The following NCOA4 variants were observed in gnomAD, a reference collection of about 807,000 sequenced individuals.
NCOA4 encodes the protein 70 kDa AR-activator.
Under a neutral mutation model 69.5 loss-of-function variants are expected in NCOA4, and 31 were observed. That is an observed-to-expected ratio of 0.45 (90% confidence interval 0.34 to 0.60). The LOEUF is 0.60. Ranked by LOEUF, NCOA4 falls within the 20% of genes least tolerant of loss-of-function variation. The pLI is 0.02. For missense variants in NCOA4, 600 were observed against 719.2 expected (o/e 0.83, Z 1.90); for synonymous variants, 228 against 252.4 (o/e 0.90, Z 0.92).
intron 1 of NCOA4, among the ~76,000 whole-genome samples, chr10:46,017,498 T>C (rs371675042): frequency 1.3e-5 from 2 of 152,112 alleles, no homozygotes; most frequent in Non-Finnish European, 2.9e-5. Context: ...TGAGCCGTGA[T>C]TGCACCTGCA....
intron 2 of NCOA4, among the ~76,000 whole-genome samples, chr10:46,015,539 G>A (rs921731874): frequency 3.3e-5 from 5 of 152,068 alleles, no homozygotes; most frequent in Admixed American, 2.0e-4. Context: ...AGCCATAAAG[G>A]CATACCTAAA....
intron 1 of NCOA4, among the ~76,000 whole-genome samples, chr10:46,017,344 C>T (rs1034720515): frequency 2.0e-5 from 3 of 151,996 alleles, no homozygotes; most frequent in East Asian, 1.9e-4. Context: ...TCCAGGAGTT[C>T]GGGACCAGCC....
chr10:46,025,456 A>C (rs1190266327), intron 1 of NCOA4, among the ~76,000 whole-genome samples: 2 of 151,514 alleles, frequency 1.3e-5, no homozygotes, highest in Non-Finnish European at 2.9e-5. Context: ...TAATCCAGTC[A>C]AGTTGACACC....
At position 46,006,491 on chromosome 10, in the gene NCOA4, A is replaced by T. The variant is rs1838815723; in HGVS notation, c.*101T>A. The stretch of plus-strand genomic sequence containing the variant: ...ATTAGGCAGGAGAAGAACTAAGCTA[A>T]TTGGTCAGACCCAGAAACACAAAGA... On this transcript the variant is annotated 3_prime_UTR_variant, in exon 10 of 10. Coordinates refer to ENST00000581486, the MANE Select transcript of NCOA4 (RefSeq NM_001145263.2). The T allele has an allele frequency of 2.2e-6, 3 of 1,355,320 alleles. No homozygotes were observed. Among genetic ancestry groups the T allele is most frequent in the Non-Finnish European group, 3.2e-6 (3 of 945,992 alleles). 84.0% of individuals were successfully genotyped at this position (1,355,320 alleles called of 1,614,324 possible).
At position 46,020,817 on chromosome 10, in the gene NCOA4, A is replaced by C. The variant is rs958343013; in HGVS notation, c.-14-4123T>G. Among the ~76,000 whole-genome samples, 10 of 152,358 alleles carry C rather than the reference A, an allele frequency of 6.6e-5. No homozygotes were observed. In the South Asian group the frequency reaches 2.1e-3, roughly 32 times the overall value. On this transcript the variant is annotated intron_variant, in intron 1 of 9. Transcript: ENST00000581486. ...ATCCTAATATTCAAATCAATAAAAGATTACTAAAAATGTCTTTTTATCTTC... is the reference window on the plus strand; with the variant it reads ...ATCCTAATATTCAAATCAATAAAAGCTTACTAAAAATGTCTTTTTATCTTC...
chr10:46,020,125 G>T (rs1554924072), intron 1 of NCOA4, among the ~76,000 whole-genome samples: 1 of 152,198 alleles, frequency 6.6e-6, no homozygotes, highest in African/African-American at 2.4e-5. Flanking sequence ...TGTACGAAAT[G>T]TTACATCCAA....
rs1554922326 is a variant in NCOA4, at chr10:46,013,607, A to C, written c.513T>G (p.Ser171Arg). Residue 171 changes from serine to arginine, a missense_variant, in exon 6 of 10, where the codon AGT becomes AGG. By Grantham distance (110) the Ser-to-Arg change is moderately radical. Transcript: ENST00000581486. The stretch of plus-strand genomic sequence containing the variant: ...CCAGGAAGGGCCCAATATTTGCTGA[A>C]CTAGCATGAGCCATCAAGTGCTCAG... The part of the protein sequence containing the change: ...QIPEHLMAHA[S>R]SANIGPFLEK... 3.1e-6 allele frequency: 5 copies of C among 1,613,442 alleles called. No homozygotes were observed. In the Admixed American group the frequency reaches 6.7e-5, roughly 22 times the overall value.
At chr10:46,014,129 C>T (rs1452252808) in intron 5 of NCOA4, among the ~76,000 whole-genome samples, 1 of 152,016 alleles carries the variant, frequency 6.6e-6, no homozygotes, top group African/African-American at 2.4e-5. Context: ...CAGCTTGAAG[C>T]GATCCTCCTG....
rs1554920886 is a variant in NCOA4 at position 46,010,343 on chromosome 10, G to A, written c.1578C>T (p.Pro526=). The change falls in exon 8 of 10, where the codon CCC becomes CCT. Residue 526 remains proline, a synonymous_variant. Transcript: ENST00000581486. The part of the protein sequence containing the change: ...DRAGKQKFKS[P]MNTSWCSFNT... ...TAAAGGAACACCAGGAAGTATTCAT[G>A]GGGCTTTTAAACTTCTGTTTGCCAG... 1.2e-6 allele frequency: 2 copies of A among 1,614,114 alleles called. No individual in the cohort carries two copies. Among genetic ancestry groups the A allele is most frequent in the Admixed American group, 1.7e-5 (1 of 60,012 alleles).
intron 1 of NCOA4, among the ~76,000 whole-genome samples, chr10:46,021,755 T>C (rs1433981115): frequency 6.6e-6 from 1 of 151,884 alleles, no homozygotes; most frequent in Non-Finnish European, 1.5e-5. Flanking sequence ...AGGTCAGGAG[T>C]TCGAGACCAG....
chr10:46,024,998 G>A (rs1840082829), intron 1 of NCOA4, among the ~76,000 whole-genome samples: 2 of 152,136 alleles, frequency 1.3e-5, no homozygotes, highest in African/African-American at 2.4e-5. Flanking sequence ...ATATGAGAGG[G>A]GATTTATTAG....
chr10:46,013,700 AT>A, intron 5 of NCOA4, 61 bp from the exon 6 acceptor site: 1 of 1,195,502 alleles, frequency 8.4e-7, no homozygotes, highest in Non-Finnish European at 1.2e-6. Context: ...AAGTGAAATT[AT>A]AATTCCAAAT....
chr10:46,029,182 T>C (rs1554926074), intron 1 of NCOA4, among the ~76,000 whole-genome samples: 1 of 152,178 alleles, frequency 6.6e-6, no homozygotes, highest in Admixed American at 6.5e-5. Flanking sequence ...AATAATGTAA[T>C]TGTAGAGATT....
At chr10:46,019,137 A>C (rs1554923855) in intron 1 of NCOA4, among the ~76,000 whole-genome samples, 2 of 152,196 alleles carry the variant, frequency 1.3e-5, no homozygotes, top group Admixed American at 1.3e-4. Context: ...TTTCTCCATA[A>C]TCATCTATTA....
chr10:46,026,609 G>A (rs1454281802), intron 1 of NCOA4, among the ~76,000 whole-genome samples: 1 of 152,210 alleles, frequency 6.6e-6, no homozygotes, highest in Non-Finnish European at 1.5e-5. Flanking sequence ...CCCCATAGAA[G>A]CCAACAAGTG....
chr10:46,027,580 AC>A (rs1216538439), intron 1 of NCOA4: 33 of 1,086,670 alleles, frequency 3.0e-5, no homozygotes, highest in Middle Eastern at 2.1e-4. Flanking sequence ...TTTTAAAAGG[AC>A]TAAAAAGTAG....
In NCOA4 at chr10:46,006,468, TAGGC is replaced by T. The variant is rs781891600; in HGVS notation, c.*120_*123del. 11 of 1,089,502 alleles carry T rather than the reference TAGGC, an allele frequency of 1.0e-5. No homozygotes were observed. The highest frequency in any genetic ancestry group is 2.5e-5 in the South Asian group (2 of 79,826). The allele number at this position is 1,089,502 out of a possible 1,614,324, so 67.5% of individuals were successfully genotyped here. ...TCACTTTGCTTTACTAGTTCAAAAT[TAGGC>T]AGGAGAAGAACTAAGCTAATTGGTC... is the stretch of plus-strand genomic sequence containing the variant. On this transcript the variant is annotated 3_prime_UTR_variant, in exon 10 of 10. Coordinates refer to ENST00000581486, the MANE Select transcript of NCOA4 (RefSeq NM_001145263.2).
At chr10:46,013,077 A>G (rs1165410173) in intron 6 of NCOA4, 51 bp from the exon 7 acceptor site, 1 of 1,578,332 alleles carries the variant, frequency 6.3e-7, no homozygotes, top group African/African-American at 1.3e-5. Flanking sequence ...GTTCACCAGA[A>G]AAAGAGAAGA....
chr10:46,017,354 C>CT (rs1839621381), intron 1 of NCOA4, among the ~76,000 whole-genome samples: 1 of 152,108 alleles, frequency 6.6e-6, no homozygotes, highest in Admixed American at 6.5e-5. Flanking sequence ...CGGGACCAGC[C>CT]TGGGCAAAAT....
Sources: gnomAD v4.1 joint callset for allele counts (sites outside exome capture counted in the v4.1 genomes callset) on GRCh38, gnomAD v4.1.1 for gene constraint, MANE v1.5 for transcripts, NCBI Gene and HGNC (gene_info 2026-07-23, HGNC 2026-07-21) for gene names.